The following RIMS1 variants were observed in gnomAD, a reference collection of about 807,000 sequenced individuals.
The protein encoded by RIMS1 is regulating synaptic membrane exocytosis protein 1.
Under a neutral mutation model 214.1 loss-of-function variants are expected in RIMS1, and 83 were observed. The observed-to-expected ratio is 0.39, with a 90% CI of 0.32 to 0.47. The LOEUF is 0.47. Ranked by LOEUF, RIMS1 falls within the 20% of genes least tolerant of loss-of-function variation. RIMS1 has a pLI of 0.99. For missense variants in RIMS1, 2,050 were observed against 2,161.8 expected, an observed-to-expected ratio of 0.95 and a Z score of 1.03; for synonymous variants, 793 against 786.8, an observed-to-expected ratio of 1.01 and a Z score of -0.13.
intron 24 of RIMS1, among the ~76,000 whole-genome samples, chr6:72,285,512 G>C (rs753649394): frequency 1.3e-5 from 2 of 152,194 alleles, no homozygotes; most frequent in Non-Finnish European, 2.9e-5. Context: ...GTATGTAAAA[G>C]GGAGATGAAA....
chr6:72,282,978 C>G (rs2090890777), intron 23 of RIMS1, among the ~76,000 whole-genome samples: 1 of 151,866 alleles, frequency 6.6e-6, no homozygotes, highest in South Asian at 2.1e-4. Context: ...TGAGCAGTCC[C>G]AGAACTCTGT....
chr6:72,093,232 A>AAAG (rs202036845), intron 2 of RIMS1, among the ~76,000 whole-genome samples: 19 of 136,456 alleles, frequency 1.4e-4, no homozygotes, highest in Non-Finnish European at 1.9e-4. Context: ...ATATATAAAA[A>AAAG]CATGTGTGTA....
chr6:72,272,023 A>T (rs1291859227), intron 22 of RIMS1, among the ~76,000 whole-genome samples: 1 of 152,180 alleles, frequency 6.6e-6, no homozygotes, highest in East Asian at 1.9e-4. Context: ...AGAATACCTG[A>T]TACTAAAGTA....
At chr6:72,341,103 A>G (rs1238873315) in intron 29 of RIMS1, among the ~76,000 whole-genome samples, 1 of 151,802 alleles carries the variant, frequency 6.6e-6, no homozygotes, top group Non-Finnish European at 1.5e-5. Context: ...TTGGTGTATA[A>G]GAATTCTTGT....
At chr6:72,214,975 G>A (rs1303925401) in intron 6 of RIMS1, among the ~76,000 whole-genome samples, 3 of 152,178 alleles carry the variant, frequency 2.0e-5, no homozygotes, top group African/African-American at 7.2e-5. Flanking sequence ...ACCCGCCTCG[G>A]CCTCCCAAAG....
chr6:72,149,270 T>C (rs2153897759), intron 4 of RIMS1, among the ~76,000 whole-genome samples: 1 of 152,182 alleles, frequency 6.6e-6, no homozygotes, highest in East Asian at 1.9e-4. Context: ...CCTTTAACAT[T>C]ATAAAAGAAG....
chr6:72,096,593 A>G (rs1586865276), intron 2 of RIMS1, among the ~76,000 whole-genome samples: 1 of 152,224 alleles, frequency 6.6e-6, no homozygotes, highest in Non-Finnish European at 1.5e-5. Flanking sequence ...TTTCAGTTAT[A>G]TGCACACATG....
At chr6:72,171,347 C>CAT (rs35243498) in intron 4 of RIMS1, among the ~76,000 whole-genome samples, 69,987 of 149,060 alleles carry the variant, frequency 0.47, 17,331 homozygotes, top group East Asian at 0.8. Context: ...ATATATATTA[C>CAT]GTGTGTGTGT....
At chr6:71,959,303 T>C (rs909493641) in intron 1 of RIMS1, among the ~76,000 whole-genome samples, 5 of 152,132 alleles carry the variant, frequency 3.3e-5, no homozygotes, top group African/African-American at 1.2e-4. Flanking sequence ...CTTTTCCAAG[T>C]TCCATTTTCC....
In RIMS1 at chr6:71,889,537, C is replaced by T. The variant is rs556247813; in HGVS notation, c.164+2350C>T. ...TATTAACTTTATCCATCAGCCTCCT[C>T]TGCTAATGTCTTGGCCTTTTGTTCA... On this transcript the variant is annotated intron_variant, in intron 1 of 33. Transcript: ENST00000521978. Among the ~76,000 whole-genome samples the T allele has an allele frequency of 2.0e-5, 3 of 152,332 alleles. No homozygotes were observed. In the East Asian group the frequency reaches 5.8e-4, roughly 29 times the overall value.
intron 1 of RIMS1, among the ~76,000 whole-genome samples, chr6:71,962,056 G>C (rs946789676): frequency 1.3e-5 from 2 of 152,080 alleles, no homozygotes; most frequent in African/African-American, 4.8e-5. Flanking sequence ...AGGTTAATTG[G>C]ACATGTTGCC....
chr6:72,274,460 A>G (rs1190569389), intron 23 of RIMS1, 28 bp downstream of exon 23: 3 of 1,563,114 alleles, frequency 1.9e-6, no homozygotes, highest in Non-Finnish European at 2.6e-6. Flanking sequence ...CTCACAGACA[A>G]GTGGCTTCTA....
chr6:72,128,290 T>C (rs941826168), intron 4 of RIMS1, among the ~76,000 whole-genome samples: 5 of 152,158 alleles, frequency 3.3e-5, no homozygotes, highest in African/African-American at 1.2e-4. Flanking sequence ...TTGAATTAAA[T>C]GCTCCAAGAA....
chr6:72,121,187 A>G (rs896208825), intron 4 of RIMS1, among the ~76,000 whole-genome samples: 1 of 151,884 alleles, frequency 6.6e-6, no homozygotes, highest in Admixed American at 6.6e-5. Flanking sequence ...CAATTCTGTG[A>G]AGAAAATCAT....
At chr6:71,995,800 T>A (rs978391518) in intron 2 of RIMS1, among the ~76,000 whole-genome samples, 1 of 152,124 alleles carries the variant, frequency 6.6e-6, no homozygotes, top group African/African-American at 2.4e-5. Context: ...TCACATATTT[T>A]TTTTTAGACA....
chr6:72,265,916 T>C, intron 21 of RIMS1, 44 bp from the exon 22 acceptor site: 1 of 1,362,426 alleles, frequency 7.3e-7, no homozygotes. Flanking sequence ...CTTTGTTTTC[T>C]CTGTCTTTCT....
intron 2 of RIMS1, among the ~76,000 whole-genome samples, chr6:71,998,896 A>G (rs956431417): frequency 5.3e-5 from 8 of 152,164 alleles, no homozygotes; most frequent in Non-Finnish European, 2.9e-5. Flanking sequence ...AACTAAATTT[A>G]TAAATGAATT....
intron 2 of RIMS1, among the ~76,000 whole-genome samples, chr6:72,090,503 A>T (rs1167053444): frequency 6.6e-6 from 1 of 152,048 alleles, no homozygotes; most frequent in Non-Finnish European, 1.5e-5. Flanking sequence ...CGATGTACAA[A>T]CATCATTAAA....
chr6:72,136,695 A>G (rs1379079181), intron 4 of RIMS1, among the ~76,000 whole-genome samples: 2 of 152,132 alleles, frequency 1.3e-5, no homozygotes, highest in Non-Finnish European at 2.9e-5. Flanking sequence ...CTTTAGGAAG[A>G]TAAGGATGAC....
Sources: allele counts gnomAD v4.1 joint callset (sites outside exome capture counted in the v4.1 genomes callset), GRCh38; gene constraint gnomAD v4.1.1; transcripts MANE v1.5; gene names NCBI Gene and HGNC (gene_info 2026-07-23, HGNC 2026-07-21).